Variants in CNTNAP5 observed in about 807,000 individuals in gnomAD.
CNTNAP5 encodes contactin-associated protein-like 5.
Under a neutral mutation model 150.2 loss-of-function variants are expected in CNTNAP5, and 72 were observed. That is an observed-to-expected ratio of 0.48 (90% CI 0.40 to 0.58). The LOEUF (loss-of-function observed/expected upper bound fraction) is 0.58, where lower values mean the gene tolerates loss of function less well. Among genes scored for constraint, CNTNAP5 ranks in the 20% least tolerant of loss-of-function variants. The probability of loss-of-function intolerance (pLI) is 0.00; values close to 1 mark genes in which losing one functional copy is unlikely to be tolerated. For synonymous variants in CNTNAP5, 672 were observed against 619.8 expected, an observed-to-expected ratio of 1.08 and a Z score of -1.25; for missense variants, 1,636 against 1,626.2, an observed-to-expected ratio of 1.01 and a Z score of -0.10.
At chr2:124,480,870 A>T (rs6731776) in intron 7 of CNTNAP5, among the ~76,000 whole-genome samples, 6 of 152,146 alleles carry the variant, frequency 3.9e-5, no homozygotes, top group South Asian at 2.1e-4. Context: ...TTATTCACTC[A>T]CTGAACAGTT....
At chr2:124,119,107 G>A (rs942197158) in intron 1 of CNTNAP5, among the ~76,000 whole-genome samples, 5 of 152,118 alleles carry the variant, frequency 3.3e-5, no homozygotes, top group Non-Finnish European at 5.9e-5. Flanking sequence ...GTCTTTGTGA[G>A]GCTGACTTTT....
intron 1 of CNTNAP5, among the ~76,000 whole-genome samples, chr2:124,028,240 T>G (rs1384478550): frequency 6.6e-6 from 1 of 152,108 alleles, no homozygotes; most frequent in Non-Finnish European, 1.5e-5. Flanking sequence ...ACATAACTTC[T>G]AATTGTTTTT....
chr2:124,845,478 A>C (rs1395401143), intron 19 of CNTNAP5, among the ~76,000 whole-genome samples: 1 of 130,540 alleles, frequency 7.7e-6, no homozygotes, highest in African/African-American at 2.8e-5. Context: ...TGGTTTTTGT[A>C]TTAGGGTGAT....
intron 13 of CNTNAP5, among the ~76,000 whole-genome samples, chr2:124,745,961 A>C (rs1003272682): frequency 8.5e-5 from 13 of 152,236 alleles, no homozygotes; most frequent in African/African-American, 2.7e-4. Context: ...TGCTCTTTGT[A>C]TATAGAGATT....
Position 124,735,491 on chromosome 2 carries a change from G to C in CNTNAP5, c.2078-11738G>C, listed in dbSNP as rs184678295. Among the ~76,000 whole-genome samples the C allele has an allele frequency of 2.9e-3, 439 of 151,866 alleles. 2 individuals are homozygous for C. The highest frequency in any genetic ancestry group is 3.6e-3 in the Non-Finnish European group (247 of 68,000). ...ATAAATCAATAGATAGACTAATACA[G>C]TTGGAAAGACAATATATTTGGGAAT... On this transcript the variant is annotated intron_variant, in intron 13 of 23. Transcript: ENST00000682447.
At chr2:124,391,912 C>A (rs889004347) in intron 3 of CNTNAP5, among the ~76,000 whole-genome samples, 3 of 151,880 alleles carry the variant, frequency 2.0e-5, no homozygotes, top group Non-Finnish European at 2.9e-5. Context: ...GCCGAGATCG[C>A]GCCACTGCAC....
intron 3 of CNTNAP5, among the ~76,000 whole-genome samples, chr2:124,262,839 C>T (rs1156705296): frequency 7.2e-6 from 1 of 139,022 alleles, no homozygotes; most frequent in Admixed American, 7.5e-5. Flanking sequence ...GTGATGTTCC[C>T]CTTCCTGGGT....
intron 1 of CNTNAP5, among the ~76,000 whole-genome samples, chr2:124,084,609 ATG>A (rs1384588479): frequency 6.6e-5 from 10 of 151,904 alleles, no homozygotes; most frequent in African/African-American, 2.4e-4. Context: ...ACATACATGT[ATG>A]TGTGTGTATA....
chr2:124,464,437 T>C (rs182282298), intron 6 of CNTNAP5, among the ~76,000 whole-genome samples: 58 of 152,272 alleles, frequency 3.8e-4, no homozygotes, highest in African/African-American at 1.4e-3. Context: ...GAGGTAATTG[T>C]TGGTAAAAAT....
At chr2:124,207,114 C>A (rs1360056185) in intron 1 of CNTNAP5, among the ~76,000 whole-genome samples, 2 of 152,194 alleles carry the variant, frequency 1.3e-5, no homozygotes, top group Non-Finnish European at 2.9e-5. Flanking sequence ...CCCTTCCTAA[C>A]ACATGTTACA....
At chr2:124,629,082 G>A (rs998724949) in intron 12 of CNTNAP5, among the ~76,000 whole-genome samples, 1 of 152,178 alleles carries the variant, frequency 6.6e-6, no homozygotes, top group Non-Finnish European at 1.5e-5. Flanking sequence ...GACCCACAAA[G>A]AGACTCAGAC....
intron 1 of CNTNAP5, among the ~76,000 whole-genome samples, chr2:124,050,124 G>A (rs751829765): frequency 3.3e-5 from 5 of 152,066 alleles, no homozygotes; most frequent in Non-Finnish European, 4.4e-5. Context: ...TCTAGTAGCT[G>A]TTCACTCATT....
chr2:124,320,946 G>A (rs867264928), intron 3 of CNTNAP5, among the ~76,000 whole-genome samples: 17 of 152,156 alleles, frequency 1.1e-4, no homozygotes, highest in African/African-American at 4.1e-4. Context: ...TAGCTGCTGG[G>A]TTGAGTTTAA....
At chr2:124,789,743 C>T (rs1681681362) in intron 17 of CNTNAP5, among the ~76,000 whole-genome samples, 159 bp from the exon 18 acceptor site, 1 of 152,128 alleles carries the variant, frequency 6.6e-6, no homozygotes, top group Non-Finnish European at 1.5e-5. Context: ...ATTTGAGGCT[C>T]TTTGGAATTC....
chr2:124,052,073 A>C (rs889400205), intron 1 of CNTNAP5, among the ~76,000 whole-genome samples: 1 of 152,194 alleles, frequency 6.6e-6, no homozygotes, highest in African/African-American at 2.4e-5. Context: ...GAAATGATGC[A>C]TCTGGATTGT....
chr2:124,533,754 A>G (rs1424670613), intron 10 of CNTNAP5, among the ~76,000 whole-genome samples: 1 of 152,102 alleles, frequency 6.6e-6, no homozygotes, highest in African/African-American at 2.4e-5. Context: ...ACTACAAACA[A>G]AGCCTTCATG....
intron 22 of CNTNAP5, among the ~76,000 whole-genome samples, chr2:124,909,737 T>A (rs1233698585): frequency 6.7e-6 from 1 of 149,268 alleles, no homozygotes; most frequent in East Asian, 2.0e-4. Context: ...TCCTCTGATT[T>A]CTCATTTTCC....
intron 21 of CNTNAP5, among the ~76,000 whole-genome samples, chr2:124,870,968 G>C (rs1042100062): frequency 6.6e-6 from 1 of 152,084 alleles, no homozygotes; most frequent in Non-Finnish European, 1.5e-5. Flanking sequence ...AAACCTAGCT[G>C]AAGTAGGGTC....
rs1350136871 is a variant in CNTNAP5, at chr2:124,410,649, A to C, written c.382-6794A>C. ...TGACTACTGGATACATAACGAAATG[A>C]AGGCAGAAATAAAGCTGTTCTTTGA... On this transcript the variant is annotated intron_variant, in intron 3 of 23. Coordinates refer to ENST00000682447, the MANE Select transcript of CNTNAP5 (RefSeq NM_001367498.1). 2.0e-5 allele frequency among the ~76,000 whole-genome samples: 3 copies of C among 150,492 alleles called. No individual in the cohort carries two copies. The East Asian group carries it at 5.8e-4, about 29-fold the overall frequency.
Sources: allele counts gnomAD v4.1 joint callset (sites outside exome capture counted in the v4.1 genomes callset), GRCh38; gene constraint gnomAD v4.1.1; transcripts MANE v1.5; gene names NCBI Gene and HGNC (gene_info 2026-07-23, HGNC 2026-07-21).